TSNARE1: variants seen among roughly 807,000 people sequenced by gnomAD.
The protein encoded by TSNARE1 is t-SNARE domain-containing protein 1.
TSNARE1 carries 49 observed loss-of-function variants against 62.0 expected under a neutral mutation model. That is an observed-to-expected ratio of 0.79 (90% CI 0.63 to 1.00). The LOEUF is 1.00. TSNARE1 is among the 50% of genes least tolerant of loss of function. The probability of loss-of-function intolerance (pLI) is 0.00; values close to 1 mark genes in which losing one functional copy is unlikely to be tolerated. For synonymous variants in TSNARE1, 328 were observed against 294.4 expected (o/e 1.11, Z -1.17); for missense variants, 755 against 700.1 (o/e 1.08, Z -0.88).
At chr8:142,313,398 G>A (rs927515457) in intron 9 of TSNARE1, among the ~76,000 whole-genome samples, 2 of 142,408 alleles carry the variant, frequency 1.4e-5, no homozygotes, top group African/African-American at 5.5e-5. Flanking sequence ...GTGTCTGCGT[G>A]TCTGTGTTTA....
chr8:142,237,050 C>A (rs1313473747), intron 12 of TSNARE1, among the ~76,000 whole-genome samples: 2 of 152,158 alleles, frequency 1.3e-5, no homozygotes, highest in African/African-American at 2.4e-5. Flanking sequence ...AAGCCCGGAG[C>A]CAGGGGCCTG....
intron 1 of TSNARE1, among the ~76,000 whole-genome samples, chr8:142,375,264 T>C (rs913433448): frequency 6.6e-6 from 1 of 152,264 alleles, no homozygotes; most frequent in African/African-American, 2.4e-5. Flanking sequence ...GACAACTGCA[T>C]GTGGCCCCTT....
intron 11 of TSNARE1, among the ~76,000 whole-genome samples, chr8:142,279,410 G>A (rs992829509): frequency 2.0e-4 from 30 of 152,172 alleles, no homozygotes; most frequent in African/African-American, 7.0e-4. Context: ...GCTGCACGTC[G>A]GGGAGCTCAG....
chr8:142,321,472 A>T (rs562796424), intron 6 of TSNARE1, among the ~76,000 whole-genome samples: 1 of 152,234 alleles, frequency 6.6e-6, no homozygotes, highest in African/African-American at 2.4e-5. Context: ...CAGAGATAAT[A>T]AAGGTAAGTT....
intron 1 of TSNARE1, among the ~76,000 whole-genome samples, chr8:142,386,725 C>CA (rs1424571368): frequency 6.6e-6 from 1 of 152,026 alleles, no homozygotes; most frequent in African/African-American, 2.4e-5. Context: ...AGAAATGAGA[C>CA]AAAGAAGGGC....
intron 12 of TSNARE1, among the ~76,000 whole-genome samples, chr8:142,254,314 C>T (rs1818321448): frequency 1.3e-5 from 2 of 152,192 alleles, no homozygotes. Context: ...GAGGCCCTCC[C>T]CATGCCCCGG....
At chr8:142,298,024 T>TGCACCACTCC (rs1586642626) in intron 10 of TSNARE1, among the ~76,000 whole-genome samples, 2 of 152,160 alleles carry the variant, frequency 1.3e-5, no homozygotes, top group East Asian at 3.9e-4. Context: ...CTGCCCACTC[T>TGCACCACTCC]GCACCACTCC....
At chr8:142,308,716 T>C (rs1827101879) in intron 9 of TSNARE1, among the ~76,000 whole-genome samples, 1 of 152,238 alleles carries the variant, frequency 6.6e-6, no homozygotes, top group South Asian at 2.1e-4. Flanking sequence ...TTCGTTCTTC[T>C]TCAAAATTGC....
At chr8:142,278,362 C>G in intron 11 of TSNARE1, 1 of 985,472 alleles carries the variant, frequency 1.0e-6, no homozygotes, top group Non-Finnish European at 1.2e-6. Context: ...TGAGGCCAGC[C>G]CCTGCCTGTC....
chr8:142,284,342 G>T, intron 11 of TSNARE1, 71 bp downstream of exon 11: 2 of 1,274,972 alleles, frequency 1.6e-6, no homozygotes, highest in South Asian at 1.2e-5. Context: ...TTAGGTGAAG[G>T]GGTGAGGGCT....
chr8:142,365,199 T>A, intron 1 of TSNARE1, among the ~76,000 whole-genome samples: 1 of 152,104 alleles, frequency 6.6e-6, no homozygotes, highest in Admixed American at 6.5e-5. Flanking sequence ...TTCCATGATC[T>A]CCCTGCCCAA....
intron 12 of TSNARE1, among the ~76,000 whole-genome samples, chr8:142,238,743 G>GCCCCGCACGCCCA (rs1817554111): frequency 1.2e-4 from 2 of 16,534 alleles, no homozygotes; most frequent in Non-Finnish European, 2.4e-4. Flanking sequence ...CTGCACGCCC[G>GCCCCGCACGCCCA]CCCCTGCACG....
At chr8:142,376,470 CCT>C (rs774615142) in intron 1 of TSNARE1, among the ~76,000 whole-genome samples, 12 of 152,280 alleles carry the variant, frequency 7.9e-5, no homozygotes, top group South Asian at 4.2e-4. Flanking sequence ...CAAATGGACC[CCT>C]GAGAGAGCTC....
intron 1 of TSNARE1, among the ~76,000 whole-genome samples, chr8:142,358,841 C>A (rs2130834413): frequency 6.6e-6 from 1 of 152,186 alleles, no homozygotes; most frequent in South Asian, 2.1e-4. Context: ...CAACCCAAAC[C>A]CCCCAGGTGC....
intron 12 of TSNARE1, among the ~76,000 whole-genome samples, chr8:142,250,964 A>AACCCCCGT (rs1311299797): frequency 6.6e-6 from 1 of 152,188 alleles, no homozygotes; most frequent in Non-Finnish European, 1.5e-5. Context: ...AGGCCAAGGA[A>AACCCCCGT]ACCCCCGTAA....
chr8:142,305,540 A>C (rs1826527122), intron 9 of TSNARE1, among the ~76,000 whole-genome samples: 2 of 152,134 alleles, frequency 1.3e-5, no homozygotes, highest in Admixed American at 6.5e-5. Flanking sequence ...TCACCTCCAC[A>C]GCGGGAGGAT....
At chr8:142,284,991 C>T (rs1822438374) in intron 10 of TSNARE1, among the ~76,000 whole-genome samples, 1 of 152,224 alleles carries the variant, frequency 6.6e-6, no homozygotes, top group South Asian at 2.1e-4. Flanking sequence ...TGAGCATGGG[C>T]CAGCACACAG....
chr8:142,243,442 C>T lies in TSNARE1; in HGVS notation c.1447-13863G>A, dbSNP rs572054298. Among the ~76,000 whole-genome samples, 32 of 152,104 alleles carry T rather than the reference C, an allele frequency of 2.1e-4. 1 individual carries two copies. Among genetic ancestry groups the T allele is most frequent in the African/African-American group, 6.3e-4 (26 of 41,420 alleles). ...TCTTAAAGAAGGAAATCCTCTCATT[C>T]GTGACAACGTGGAGGCACCTGGAAG... On this transcript the variant is annotated intron_variant, in intron 12 of 13. Transcript: ENST00000524325.
At chr8:142,271,237 G>C in intron 12 of TSNARE1, 1 of 1,012,826 alleles carries the variant, frequency 9.9e-7, no homozygotes, top group Non-Finnish European at 1.2e-6. Flanking sequence ...AGGCTTCCCG[G>C]GTAGGGCGTG....
Sources: gnomAD v4.1 joint callset for allele counts (sites outside exome capture counted in the v4.1 genomes callset) on GRCh38, gnomAD v4.1.1 for gene constraint, MANE v1.5 for transcripts, NCBI Gene and HGNC (gene_info 2026-07-23, HGNC 2026-07-21) for gene names.